Variants in ABCA7 observed in about 807,000 individuals in gnomAD.
ABCA7 encodes phospholipid-transporting ATPase ABCA7.
ABCA7 carries 261 observed loss-of-function variants against 227.6 expected under a neutral mutation model. That is an observed-to-expected ratio of 1.15 (90% confidence interval 1.04 to 1.27). ABCA7 has a LOEUF of 1.27. Ranked by LOEUF, ABCA7 falls within the 50% of genes most tolerant of loss-of-function variation. ABCA7 has a pLI of 0.00. For missense variants in ABCA7, 3,331 were observed against 2,924.5 expected, an observed-to-expected ratio of 1.14 and a Z score of -3.21; for synonymous variants, 1,488 against 1,279.7, an observed-to-expected ratio of 1.16 and a Z score of -3.47.
In ABCA7 at chr19:1,056,281, C is replaced by T; in HGVS notation, c.4416+38C>T. ...GGGGCAGGTGGGCGTCCTGTCACAGCAAGGTCCAACCCCATTGCTCTGACC... is the reference window on the plus strand; with the variant it reads ...GGGGCAGGTGGGCGTCCTGTCACAGTAAGGTCCAACCCCATTGCTCTGACC... On this transcript the variant is annotated intron_variant, in intron 32 of 46. Coordinates refer to ENST00000263094, the MANE Select transcript of ABCA7 (RefSeq NM_019112.4). The surrounding 1 kb of genome is among the most constrained non-coding windows in gnomAD (Gnocchi z 4.3). 6.3e-7 allele frequency: 1 copy of T among 1,595,904 alleles called. No individual in the cohort carries two copies. Among genetic ancestry groups the T allele is most frequent in the African/African-American group, 1.3e-5 (1 of 74,828 alleles).
chr19:1,057,459 C>G lies in ABCA7; in HGVS notation c.4880+30C>G, dbSNP rs746884858. On this transcript the variant is annotated intron_variant, in intron 35 of 46. Coordinates refer to ENST00000263094, the MANE Select transcript of ABCA7 (RefSeq NM_019112.4). ...GGCCCCCAGTCCCTCAGGGCCTATTCTTACTGACCCCTTACTGCCTTCCAC... is the reference window on the plus strand; with the variant it reads ...GGCCCCCAGTCCCTCAGGGCCTATTGTTACTGACCCCTTACTGCCTTCCAC... The G allele has an allele frequency of 2.2e-5, 35 of 1,579,520 alleles. No individual in the cohort carries two copies. The South Asian group carries it at 3.7e-4, about 16-fold the overall frequency.
chr19:1,056,475 A>G lies in ABCA7; in HGVS notation c.4562A>G (p.Lys1521Arg). ...CTCAACCACCCCTTGAACCTCACCA[A>G]GGAGCAGCTGTCTGAGGGTGCACTG... ...TTLNHPLNLT[K>R]EQLSEGALMA... Residue 1521 changes from lysine (K) to arginine (R), a missense_variant, in exon 33 of 47, where the codon AAG becomes AGG. Physicochemically the swap from Lys to Arg is conservative, Grantham distance 26. Transcript: ENST00000263094. This position sits in a 1 kb window ranked among gnomAD's most constrained non-coding sequence, Gnocchi z 4.3. 6.2e-7 allele frequency: 1 copy of G among 1,613,404 alleles called. No homozygotes were observed. The highest frequency in any genetic ancestry group is 8.5e-7 in the Non-Finnish European group (1 of 1,179,940).
intron 13 of ABCA7, 136 bp from the exon 14 acceptor site, chr19:1,046,666 G>A: frequency 8.6e-7 from 1 of 1,157,024 alleles, no homozygotes; most frequent in South Asian, 1.5e-5. Flanking sequence ...AGGCTGGCTG[G>A]ATCAGGTTCC....
Position 1,046,271 on chromosome 19 carries a change from T to C in ABCA7, c.1487T>C (p.Leu496Pro). ...PGPAADPLTD[L>P]RYVWGGFVYL... is the part of the protein sequence containing the mutation. Reference sequence around the variant, plus strand: ...CCAGCCGCGGACCCCCTGACCGACCTGCGCTACGTGTGGGGCGGCTTCGTG... The same window carrying C: ...CCAGCCGCGGACCCCCTGACCGACCCGCGCTACGTGTGGGGCGGCTTCGTG... Residue 496 changes from leucine (L) to proline (P), a missense_variant, in exon 13 of 47, where the codon CTG (leucine) becomes CCG (proline). Transcript: ENST00000263094. 6.2e-7 allele frequency: 1 copy of C among 1,606,934 alleles called. No homozygotes were observed.
At position 1,055,156 on chromosome 19, in the gene ABCA7, C is replaced by A. The variant is rs940835887; in HGVS notation, c.4010C>A (p.Thr1337Asn). ...AAGGTCTTGGCCAGTGGCAACTGGACCCCAGAGTCTCCATCCCCAGCCTGC... is the reference window on the plus strand; with the variant it reads ...AAGGTCTTGGCCAGTGGCAACTGGAACCCAGAGTCTCCATCCCCAGCCTGC... Reference protein sequence around the residue: ...VAKVLASGNWTPESPSPACQC... With the variant: ...VAKVLASGNWNPESPSPACQC... The change falls in exon 30 of 47, where the codon ACC (threonine) becomes AAC (asparagine). Residue 1337 changes from threonine (T) to asparagine (N), a missense_variant. Coordinates refer to ENST00000263094, the MANE Select transcript of ABCA7 (RefSeq NM_019112.4). The A allele has an allele frequency of 2.5e-6, 4 of 1,612,768 alleles. No individual in the cohort carries two copies. The highest frequency in any genetic ancestry group is 1.7e-5 in the Admixed American group (1 of 59,990).
intron 11 of ABCA7, 54 bp from the exon 12 acceptor site, chr19:1,044,948 G>A: frequency 1.3e-6 from 2 of 1,589,802 alleles, no homozygotes; most frequent in Non-Finnish European, 1.7e-6. Flanking sequence ...GGAGCGGAGT[G>A]GTCTAGGAGG....
intron 12 of ABCA7, chr19:1,045,469 G>C: frequency 1.8e-6 from 1 of 552,462 alleles, no homozygotes; most frequent in Non-Finnish European, 3.2e-6. Flanking sequence ...AGCAGGTATA[G>C]GTTGAGGGCA....
Position 1,045,056 on chromosome 19 carries a change from C to T in ABCA7, c.1270C>T (p.Arg424Trp), listed in dbSNP as rs142291535. The stretch of plus-strand genomic sequence containing the variant: ...ACCCTCAGAGGCAGCCCTGGTGTCG[C>T]GGGCCCTGCAACTGCTCGCGGAACA... ...AAPSEAALVS[R>W]ALQLLAEHRF... Residue 424 changes from arginine to tryptophan, a missense_variant, in exon 12 of 47, where the codon CGG (arginine) becomes TGG (tryptophan). By Grantham distance (101) the Arg-to-Trp change is moderately radical. Transcript: ENST00000263094. The T allele has an allele frequency of 2.5e-6, 4 of 1,612,746 alleles. No individual in the cohort carries two copies. The highest frequency in any genetic ancestry group is 2.2e-5 in the South Asian group (2 of 91,088).
chr19:1,044,499 C>G, intron 10 of ABCA7, 78 bp from the exon 11 acceptor site: 6 of 1,509,384 alleles, frequency 4.0e-6, no homozygotes, highest in Non-Finnish European at 3.6e-6. Context: ...CCACCCGCCT[C>G]GCCTCCCAAA....
intron 7 of ABCA7, 78 bp from the exon 8 acceptor site, chr19:1,042,963 C>A: frequency 2.0e-6 from 3 of 1,520,604 alleles, no homozygotes; most frequent in East Asian, 4.6e-5. Context: ...GGAGAGGCTG[C>A]CCCTGGCCCA....
chr19:1,047,170 T>C lies in ABCA7; in HGVS notation c.1859T>C (p.Leu620Pro), dbSNP rs144852598. The change falls in exon 15 of 47, where the codon CTC becomes CCC. Residue 620 changes from leucine to proline, a missense_variant. Coordinates refer to ENST00000263094, the MANE Select transcript of ABCA7 (RefSeq NM_019112.4). ...TGCCTCTCACAGCTGGGAGACATCC[T>C]CCCCTACAGCCACCCGGGCGTGGTC... ...LVLVLKLGDI[L>P]PYSHPGVVFL... The C allele has an allele frequency of 3.5e-4, 558 of 1,603,248 alleles. No homozygotes were observed. The highest frequency in any genetic ancestry group is 4.5e-4 in the Non-Finnish European group (532 of 1,177,058).
At chr19:1,043,565 T>C in intron 9 of ABCA7, 92 bp downstream of exon 9, 2 of 1,595,926 alleles carry the variant, frequency 1.3e-6, no homozygotes, top group Non-Finnish European at 1.7e-6. Context: ...GGCCGGAGGG[T>C]CACGGAAACT....
At chr19:1,050,729 G>A (rs1025420630) in intron 18 of ABCA7, among the ~76,000 whole-genome samples, 192 bp from the exon 19 acceptor site, 2 of 150,732 alleles carry the variant, frequency 1.3e-5, no homozygotes, top group African/African-American at 2.4e-5. Flanking sequence ...GCAGTGAGCC[G>A]AGATCGTGCC....
chr19:1,045,106 C>A lies in ABCA7; in HGVS notation c.1320C>A (p.Phe440Leu), dbSNP rs149897784. 10 of 1,612,904 alleles carry A rather than the reference C, an allele frequency of 6.2e-6. No homozygotes were observed. The highest frequency in any genetic ancestry group is 3.3e-5 in the Admixed American group (2 of 59,998). The change falls in exon 12 of 47, where the codon TTC becomes TTA. Residue 440 changes from phenylalanine (F) to leucine (L), a missense_variant. Physicochemically the swap from Phe to Leu is conservative, Grantham distance 22. Transcript: ENST00000263094. ...AEHRFWAGVV[F>L]LGPEDSSDPT... ...ATCGATTCTGGGCCGGCGTCGTCTTCTTGGGACCTGAGGACTCTTCAGACC... is the reference window on the plus strand; with the variant it reads ...ATCGATTCTGGGCCGGCGTCGTCTTATTGGGACCTGAGGACTCTTCAGACC...
intron 3 of ABCA7, 87 bp downstream of exon 3, chr19:1,041,690 G>A (rs1320776270): frequency 2.7e-5 from 43 of 1,576,894 alleles, no homozygotes; most frequent in Non-Finnish European, 3.6e-5. Context: ...GTGCATGTCA[G>A]GGAGCCTTCA....
Position 1,054,329 on chromosome 19 carries a change from C to A in ABCA7, c.3714C>A (p.Gly1238=), listed in dbSNP as rs1266036215. ...TGCTTGCCCGCCGCAGCCGCCGCGG[C>A]CTGTTCGCCCAGGTGAGGAGGGCTA... ...RFLLARRSRR[G]LFAQIVLPAL... Residue 1238 remains glycine, a synonymous_variant, in exon 27 of 47, where the codon GGC becomes GGA. Transcript: ENST00000263094. This position sits in a 1 kb window ranked among gnomAD's most constrained non-coding sequence, Gnocchi z 4.8. 6.3e-7 allele frequency: 1 copy of A among 1,598,612 alleles called. No individual in the cohort carries two copies. Among genetic ancestry groups the A allele is most frequent in the Admixed American group, 1.7e-5 (1 of 59,636 alleles).
chr19:1,058,289 T>A lies in ABCA7; in HGVS notation c.5149+20T>A. The A allele has an allele frequency of 6.2e-7, 1 of 1,612,120 alleles. No individual in the cohort carries two copies. The highest frequency in any genetic ancestry group is 2.2e-5 in the East Asian group (1 of 44,830). Reference sequence around the variant, plus strand: ...GCTTGGGTGAGAACTTCCTGTCAGGTGGGGCCATGGCTACAGATAGCTAGC... The same window carrying A: ...GCTTGGGTGAGAACTTCCTGTCAGGAGGGGCCATGGCTACAGATAGCTAGC... On this transcript the variant is annotated intron_variant, in intron 37 of 46. Transcript: ENST00000263094.
At chr19:1,047,080 C>T (rs746575486) in intron 14 of ABCA7, 56 bp downstream of exon 14, 16 of 1,551,466 alleles carry the variant, frequency 1.0e-5, no homozygotes, top group Non-Finnish European at 1.3e-5. Context: ...GGGTGACAGA[C>T]AGGGGCGGCC....
chr19:1,064,633 C>T (rs910583818), intron 45 of ABCA7: 13 of 525,044 alleles, frequency 2.5e-5, no homozygotes, highest in East Asian at 2.1e-4. Flanking sequence ...AGTGCAAGGG[C>T]GAAAGAGGAG....
Sources: allele counts gnomAD v4.1 joint callset (sites outside exome capture counted in the v4.1 genomes callset), GRCh38; gene constraint gnomAD v4.1.1; non-coding constraint Gnocchi (gnomAD v3.1); transcripts MANE v1.5; gene names NCBI Gene and HGNC (gene_info 2026-07-23, HGNC 2026-07-21).